RNF180: variants seen among roughly 807,000 people sequenced by gnomAD.
RNF180 encodes ring finger protein 180, also known as E3 ubiquitin-protein ligase RNF180.
In RNF180, 38 loss-of-function variants were observed where a neutral mutation model predicts 59.2. The observed-to-expected ratio is 0.64, with a 90% CI of 0.50 to 0.84. The LOEUF is 0.84. Among genes scored for constraint, RNF180 ranks in the 40% least tolerant of loss-of-function variants. The probability of loss-of-function intolerance (pLI) is 0.00; values close to 1 mark genes in which losing one functional copy is unlikely to be tolerated. For synonymous variants in RNF180, 262 were observed against 240.3 expected, an observed-to-expected ratio of 1.09 and a Z score of -0.84; for missense variants, 705 against 700.9, an observed-to-expected ratio of 1.01 and a Z score of -0.07.
intron 5 of RNF180, among the ~76,000 whole-genome samples, chr5:64,265,526 C>T (rs1354035618): frequency 2.0e-5 from 3 of 152,122 alleles, no homozygotes; most frequent in Non-Finnish European, 4.4e-5. Flanking sequence ...TGTCAAAGAT[C>T]AGATGGCTGT....
intron 5 of RNF180, among the ~76,000 whole-genome samples, chr5:64,281,024 C>G (rs1741981454): frequency 6.6e-6 from 1 of 152,156 alleles, no homozygotes; most frequent in African/African-American, 2.4e-5. Flanking sequence ...TCTTTCACCT[C>G]CCTGGTTAGC....
At chr5:64,330,102 G>C (rs1391385239) in intron 6 of RNF180, among the ~76,000 whole-genome samples, 179 bp from the exon 7 acceptor site, 4 of 152,194 alleles carry the variant, frequency 2.6e-5, no homozygotes, top group African/African-American at 9.6e-5. Context: ...ATGTGAACTT[G>C]AGGAAGTTGT....
At chr5:64,366,873 A>T (rs1328269212) in intron 7 of RNF180, among the ~76,000 whole-genome samples, 4 of 151,544 alleles carry the variant, frequency 2.6e-5, no homozygotes. Flanking sequence ...ATCAAGATAC[A>T]GGAAGCTCAG....
chr5:64,349,406 C>G lies in RNF180; in HGVS notation c.1579+19000C>G, dbSNP rs143069098. Reference sequence around the variant, plus strand: ...TAATAAGTTATGACAGGCTAGTCTTCTTTCTTTTTTTTTTTTGAGTTTCTA... The same window carrying G: ...TAATAAGTTATGACAGGCTAGTCTTGTTTCTTTTTTTTTTTTGAGTTTCTA... On this transcript the variant is annotated intron_variant, in intron 7 of 7. Coordinates refer to ENST00000389100, the MANE Select transcript of RNF180 (RefSeq NM_001113561.2). Among the ~76,000 whole-genome samples, 341 of 121,420 alleles carry G rather than the reference C, an allele frequency of 2.8e-3. 2 individuals carry two copies. The highest frequency in any genetic ancestry group is 0.011 in the African/African-American group (314 of 27,424). The allele number at this position is 121,420 out of a possible 152,430, so 79.7% of individuals were successfully genotyped here. A position where few individuals can be genotyped will look rare whatever the true frequency, so the allele number is the denominator to read the frequency against.
chr5:64,215,457 A>G (rs1752566790), intron 4 of RNF180, among the ~76,000 whole-genome samples: 1 of 152,104 alleles, frequency 6.6e-6, no homozygotes, highest in Non-Finnish European at 1.5e-5. Flanking sequence ...AATGCTTCAG[A>G]TTGAGTGTTT....
At chr5:64,179,210 A>AT (rs1269405150) in intron 1 of RNF180, among the ~76,000 whole-genome samples, 7 of 152,188 alleles carry the variant, frequency 4.6e-5, no homozygotes, top group Admixed American at 1.3e-4. Context: ...AAAAAATTTA[A>AT]TTTTTTAAAT....
At chr5:64,224,329 A>G (rs1741539480) in intron 5 of RNF180, among the ~76,000 whole-genome samples, 1 of 152,144 alleles carries the variant, frequency 6.6e-6, no homozygotes, top group African/African-American at 2.4e-5. Flanking sequence ...ATACTGGGAG[A>G]GAGAAAATAT....
At chr5:64,184,277 C>A (rs1049113392) in intron 1 of RNF180, among the ~76,000 whole-genome samples, 3 of 152,194 alleles carry the variant, frequency 2.0e-5, no homozygotes, top group Non-Finnish European at 4.4e-5. Context: ...GTAGTACTAG[C>A]AAACTCATAC....
chr5:64,267,125 G>C (rs1195182074), intron 5 of RNF180, among the ~76,000 whole-genome samples: 1 of 152,004 alleles, frequency 6.6e-6, no homozygotes, highest in Non-Finnish European at 1.5e-5. Context: ...AAACATCTCT[G>C]ATCCTAAGGG....
At chr5:64,241,784 C>T (rs751883636) in intron 5 of RNF180, among the ~76,000 whole-genome samples, 13 of 151,954 alleles carry the variant, frequency 8.6e-5, no homozygotes, top group Non-Finnish European at 1.9e-4. Context: ...TTTTCATTAC[C>T]CACATTACTC....
Position 64,275,210 on chromosome 5 carries a change from G to T in RNF180, c.1228-49976G>T, listed in dbSNP as rs140061386. Among the ~76,000 whole-genome samples, 64 of 151,276 alleles carry T rather than the reference G, an allele frequency of 4.2e-4. No homozygotes were observed. The East Asian group carries it at 0.012, about 27-fold the overall frequency. ...AACTTCCATATGCTCTTAATCACTGGTGTTTTCTGATAACCTTAATATCTA... is the reference window on the plus strand; with the variant it reads ...AACTTCCATATGCTCTTAATCACTGTTGTTTTCTGATAACCTTAATATCTA... On this transcript the variant is annotated intron_variant, in intron 5 of 7. Coordinates refer to ENST00000389100, the MANE Select transcript of RNF180 (RefSeq NM_001113561.2).
chr5:64,365,673 G>C (rs1746420565), intron 7 of RNF180, among the ~76,000 whole-genome samples: 2 of 151,676 alleles, frequency 1.3e-5, no homozygotes, highest in South Asian at 4.2e-4. Flanking sequence ...CTTGTGTTGG[G>C]TGCATATATA....
intron 7 of RNF180, among the ~76,000 whole-genome samples, chr5:64,340,012 C>T (rs1324545093): frequency 2.0e-5 from 3 of 152,078 alleles, no homozygotes; most frequent in African/African-American, 7.2e-5. Context: ...AATTGTAATT[C>T]CTTTCCCTGA....
intron 5 of RNF180, among the ~76,000 whole-genome samples, chr5:64,271,986 A>G (rs2112355189): frequency 6.6e-6 from 1 of 152,194 alleles, no homozygotes; most frequent in African/African-American, 2.4e-5. Flanking sequence ...TATATAAAAT[A>G]CAATAGACTA....
At chr5:64,354,575 A>T (rs905114474) in intron 7 of RNF180, among the ~76,000 whole-genome samples, 3 of 151,930 alleles carry the variant, frequency 2.0e-5, no homozygotes, top group African/African-American at 2.4e-5. Context: ...ATTGAAGAAG[A>T]AATACTTCAT....
At chr5:64,205,264 A>G (rs534204923) in intron 2 of RNF180, among the ~76,000 whole-genome samples, 121 of 152,264 alleles carry the variant, frequency 7.9e-4, no homozygotes, top group African/African-American at 2.8e-3. Context: ...AAACTGGGAT[A>G]TTTGAGCTTT....
chr5:64,295,406 G>A (rs1742831687), intron 5 of RNF180, among the ~76,000 whole-genome samples: 2 of 152,166 alleles, frequency 1.3e-5, no homozygotes, highest in Non-Finnish European at 2.9e-5. Context: ...ATGCTCTATG[G>A]GGAAAACCTT....
intron 2 of RNF180, among the ~76,000 whole-genome samples, chr5:64,202,047 A>G (rs1240707931): frequency 6.6e-6 from 1 of 152,260 alleles, no homozygotes; most frequent in Non-Finnish European, 1.5e-5. Context: ...TTTGGTGGAT[A>G]TAACTTATAT....
intron 7 of RNF180, among the ~76,000 whole-genome samples, chr5:64,351,217 G>C (rs1316962431): frequency 6.6e-6 from 1 of 152,078 alleles, no homozygotes; most frequent in Non-Finnish European, 1.5e-5. Context: ...GTCTGTTATT[G>C]GTGTATAAGA....
Sources: gnomAD v4.1 joint callset for allele counts (sites outside exome capture counted in the v4.1 genomes callset) on GRCh38, gnomAD v4.1.1 for gene constraint, MANE v1.5 for transcripts, NCBI Gene and HGNC (gene_info 2026-07-23, HGNC 2026-07-21) for gene names.